The following ADAMTS12 variants were observed in gnomAD, a reference collection of about 807,000 sequenced individuals.
ADAMTS12 encodes the protein A disintegrin and metalloproteinase with thrombospondin motifs 12.
A neutral mutation model predicts 167.8 loss-of-function variants in ADAMTS12; 118 were observed. That is an observed-to-expected ratio of 0.70 (90% CI 0.61 to 0.82). The LOEUF (loss-of-function observed/expected upper bound fraction) is 0.82, where lower values mean the gene tolerates loss of function less well. Among genes scored for constraint, ADAMTS12 ranks in the 40% least tolerant of loss-of-function variants. ADAMTS12 has a pLI of 0.00. For missense variants in ADAMTS12, 1,916 were observed against 1,998.8 expected, an observed-to-expected ratio of 0.96 and a Z score of 0.79; for synonymous variants, 704 against 716.9, an observed-to-expected ratio of 0.98 and a Z score of 0.29.
At position 33,643,404 on chromosome 5, in the gene ADAMTS12, C is replaced by T; in HGVS notation, c.1546G>A (p.Asp516Asn). 6.2e-7 allele frequency: 1 copy of T among 1,614,166 alleles called. No homozygotes were observed. Among genetic ancestry groups the T allele is most frequent in the East Asian group, 2.2e-5 (1 of 44,872 alleles). ...FCRSKLDAAA[D>N]GTQCGEKKWC... Reference sequence around the variant, plus strand: ...TTCTTCTCACCACATTGAGTTCCATCTGCAGCAGCGTCCAGCTTAGAGCGA... The same window carrying T: ...TTCTTCTCACCACATTGAGTTCCATTTGCAGCAGCGTCCAGCTTAGAGCGA... The change falls in exon 10 of 24, where the codon GAT becomes AAT. Residue 516 changes from aspartate (D) to asparagine (N), a missense_variant. Asp to Asn is a conservative substitution (Grantham distance 23). Transcript: ENST00000504830.
At position 33,886,935 on chromosome 5, in the gene ADAMTS12, T is replaced by C. The variant is rs539650372; in HGVS notation, c.127+4795A>G. Among the ~76,000 whole-genome samples, 9 of 152,164 alleles carry C rather than the reference T, an allele frequency of 5.9e-5. No individual in the cohort carries two copies. In the East Asian group the frequency reaches 1.7e-3, roughly 29 times the overall value. ...TTAAAATTGTGCTTGACAAATAACA[T>C]TCATTAGCTAAACATTAGCATTGTT... On this transcript the variant is annotated intron_variant, in intron 1 of 23. Transcript: ENST00000504830.
At chr5:33,849,657 A>G (rs986712000) in intron 2 of ADAMTS12, among the ~76,000 whole-genome samples, 3,052 of 111,056 alleles carry the variant, frequency 0.027, 351 homozygotes, top group African/African-American at 0.064. Context: ...AGCAATATAT[A>G]GTATCTATAT....
intron 2 of ADAMTS12, among the ~76,000 whole-genome samples, chr5:33,867,301 C>A (rs1007323373): frequency 1.3e-5 from 2 of 152,110 alleles, no homozygotes; most frequent in African/African-American, 4.8e-5. Context: ...AAAATAATGT[C>A]TTTTGCAGAA....
intron 2 of ADAMTS12, among the ~76,000 whole-genome samples, chr5:33,768,911 T>C (rs528184733): frequency 2.2e-4 from 33 of 151,844 alleles, no homozygotes; most frequent in Middle Eastern, 3.4e-3. Flanking sequence ...TTAGATTACA[T>C]GGTAAAGGGG....
intron 3 of ADAMTS12, among the ~76,000 whole-genome samples, chr5:33,690,318 CA>C (rs1466286266): frequency 1.3e-5 from 2 of 152,156 alleles, no homozygotes; most frequent in Non-Finnish European, 2.9e-5. Flanking sequence ...ATCCATTTCT[CA>C]AAACTGGCCA....
chr5:33,887,591 A>G (rs755363247), intron 1 of ADAMTS12, among the ~76,000 whole-genome samples: 5 of 152,210 alleles, frequency 3.3e-5, no homozygotes, highest in African/African-American at 4.8e-5. Context: ...TCAGTCCACA[A>G]GTTTCAATGG....
chr5:33,884,013 C>T (rs1329964444), intron 1 of ADAMTS12, among the ~76,000 whole-genome samples: 1 of 152,190 alleles, frequency 6.6e-6, no homozygotes, highest in African/African-American at 2.4e-5. Flanking sequence ...TCCTCCAGGG[C>T]TCGAACAGTG....
At chr5:33,630,676 G>C in intron 13 of ADAMTS12, 104 bp downstream of exon 13, 1 of 1,205,442 alleles carries the variant, frequency 8.3e-7, no homozygotes, top group Non-Finnish European at 1.2e-6. Context: ...AAAAACAGAT[G>C]AGGTGTAAAT....
intron 16 of ADAMTS12, among the ~76,000 whole-genome samples, chr5:33,611,879 G>GA (rs1288036661): frequency 1.3e-5 from 2 of 152,084 alleles, no homozygotes; most frequent in Non-Finnish European, 2.9e-5. Flanking sequence ...TCTATGATTA[G>GA]AAAAAAATGC....
intron 14 of ADAMTS12, among the ~76,000 whole-genome samples, chr5:33,620,488 C>T (rs1739265850): frequency 6.6e-6 from 1 of 152,198 alleles, no homozygotes; most frequent in South Asian, 2.1e-4. Context: ...AACACTTGAG[C>T]TCACCACAAT....
intron 23 of ADAMTS12, among the ~76,000 whole-genome samples, chr5:33,531,761 C>A (rs1744112766): frequency 6.6e-6 from 1 of 152,200 alleles, no homozygotes; most frequent in East Asian, 1.9e-4. Context: ...GGAATCCTCA[C>A]ATGTTCTTGG....
At chr5:33,748,356 G>A (rs1744864774) in intron 3 of ADAMTS12, among the ~76,000 whole-genome samples, 2 of 152,210 alleles carry the variant, frequency 1.3e-5, no homozygotes, top group African/African-American at 4.8e-5. Flanking sequence ...GTCGATCTTA[G>A]AGGAAACAAG....
intron 16 of ADAMTS12, among the ~76,000 whole-genome samples, chr5:33,609,090 C>T (rs1738589033): frequency 1.3e-5 from 2 of 152,182 alleles, no homozygotes; most frequent in South Asian, 4.1e-4. Context: ...AAAATAATAA[C>T]AGCTTTAAAA....
chr5:33,680,635 A>G (rs931339442), intron 5 of ADAMTS12, among the ~76,000 whole-genome samples: 1 of 152,082 alleles, frequency 6.6e-6, no homozygotes, highest in African/African-American at 2.4e-5. Flanking sequence ...GCTTTTCAAA[A>G]GTCAAAAACA....
chr5:33,653,146 A>G (rs1740929275), intron 7 of ADAMTS12, among the ~76,000 whole-genome samples: 1 of 152,124 alleles, frequency 6.6e-6, no homozygotes, highest in Non-Finnish European at 1.5e-5. Context: ...TAAGTATAAT[A>G]TTAGGTTTAA....
At chr5:33,563,289 C>T (rs1745836899) in intron 19 of ADAMTS12, among the ~76,000 whole-genome samples, 1 of 152,174 alleles carries the variant, frequency 6.6e-6, no homozygotes. Flanking sequence ...GACTTTGCAG[C>T]TTCTGTCATC....
At chr5:33,582,068 T>C (rs542067524) in intron 18 of ADAMTS12, among the ~76,000 whole-genome samples, 1 of 152,344 alleles carries the variant, frequency 6.6e-6, no homozygotes, top group Admixed American at 6.5e-5. Flanking sequence ...AGACAACAAA[T>C]TCCTGTTGTT....
At position 33,841,621 on chromosome 5, in the gene ADAMTS12, G is replaced by A. The variant is rs947447375; in HGVS notation, c.489+39498C>T. ...TTTTATCCTACTGCTCAAGGTCGTC[G>A]CCAAGGTCTGATTTTTCACACACAA... On this transcript the variant is annotated intron_variant, in intron 2 of 23. Coordinates refer to ENST00000504830, the MANE Select transcript of ADAMTS12 (RefSeq NM_030955.4). Among the ~76,000 whole-genome samples the A allele has an allele frequency of 9.9e-5, 15 of 152,148 alleles. 1 individual carries two copies. Among genetic ancestry groups the A allele is most frequent in the Non-Finnish European group, 1.5e-4 (10 of 68,028 alleles).
At chr5:33,818,751 TC>T (rs1747759104) in intron 2 of ADAMTS12, among the ~76,000 whole-genome samples, 1 of 152,162 alleles carries the variant, frequency 6.6e-6, no homozygotes, top group Non-Finnish European at 1.5e-5. Flanking sequence ...ACGTTGGTTA[TC>T]TCTTGTCTTT....
Sources: gnomAD v4.1 joint callset for allele counts (sites outside exome capture counted in the v4.1 genomes callset) on GRCh38, gnomAD v4.1.1 for gene constraint, MANE v1.5 for transcripts, NCBI Gene and HGNC (gene_info 2026-07-23, HGNC 2026-07-21) for gene names.